HMGCLL1: variants seen among roughly 807,000 people sequenced by gnomAD.
HMGCLL1 encodes the protein 3-hydroxy-3-methylglutaryl-CoA lyase like 1, also known as 3-hydroxymethyl-3-methylglutaryl-CoA lyase, cytoplasmic.
HMGCLL1 carries 36 observed loss-of-function variants against 39.1 expected under a neutral mutation model. The ratio of observed to expected loss-of-function variants is 0.92; its 90% confidence interval spans 0.71 to 1.22. HMGCLL1 has a LOEUF of 1.22. Ranked by LOEUF, HMGCLL1 falls within the 50% of genes most tolerant of loss-of-function variation. The probability of loss-of-function intolerance (pLI) is 0.00; values close to 1 mark genes in which losing one functional copy is unlikely to be tolerated. For missense variants in HMGCLL1, 451 were observed against 416.5 expected (o/e 1.08, Z -0.72); for synonymous variants, 149 against 144.0 (o/e 1.03, Z -0.25).
rs146804038 is a variant in HMGCLL1 at position 55,517,325 on chromosome 6, A to G, written c.298-722T>C. Reference sequence around the variant, plus strand: ...GTCTAAGAATTAGCTTCTTAAAACAATAACTATTAATCAGATCCCATAATC... The same window carrying G: ...GTCTAAGAATTAGCTTCTTAAAACAGTAACTATTAATCAGATCCCATAATC... On this transcript the variant is annotated intron_variant, in intron 3 of 8. Coordinates refer to ENST00000274901, the MANE Select transcript of HMGCLL1 (RefSeq NM_001042406.2). 8.3e-4 allele frequency among the ~76,000 whole-genome samples: 127 copies of G among 152,248 alleles called. No individual in the cohort carries two copies. In the East Asian group the frequency reaches 0.016, roughly 20 times the overall value.
chr6:55,670,747 A>G, the HMGCLL1 span, among the ~76,000 whole-genome samples: 2 of 151,776 alleles, frequency 1.3e-5, no homozygotes, highest in African/African-American at 4.8e-5. Flanking sequence ...AAGGGGAAAC[A>G]TATAAAAAAA....
chr6:55,490,073 G>A (rs535125659), intron 7 of HMGCLL1, among the ~76,000 whole-genome samples: 1 of 152,152 alleles, frequency 6.6e-6, no homozygotes, highest in South Asian at 2.1e-4. Context: ...TCTCCGTCCT[G>A]TAATCTCTCA....
intron 5 of HMGCLL1, among the ~76,000 whole-genome samples, chr6:55,511,553 A>G (rs1767460661): frequency 6.6e-6 from 1 of 151,914 alleles, no homozygotes; most frequent in Non-Finnish European, 1.5e-5. Context: ...ATGGCCTTTA[A>G]AGCTGACAAC....
intron 7 of HMGCLL1, among the ~76,000 whole-genome samples, chr6:55,475,661 G>T (rs560263240): frequency 1.3e-5 from 2 of 151,696 alleles, no homozygotes; most frequent in African/African-American, 4.8e-5. Context: ...TTGTAATATA[G>T]CCTGTTTATC....
the HMGCLL1 span, among the ~76,000 whole-genome samples, chr6:55,652,324 C>T: frequency 6.6e-6 from 1 of 151,958 alleles, no homozygotes; most frequent in South Asian, 2.1e-4. Context: ...ACTATTAGTA[C>T]ATCAATATCA....
chr6:55,644,128 GT>G, the HMGCLL1 span, among the ~76,000 whole-genome samples: 2 of 152,026 alleles, frequency 1.3e-5, no homozygotes, highest in Admixed American at 6.6e-5. Flanking sequence ...ACTCATTGTA[GT>G]TTTGAATTGC....
chr6:55,611,639 G>A, the HMGCLL1 span, among the ~76,000 whole-genome samples: 1 of 152,136 alleles, frequency 6.6e-6, no homozygotes, highest in Non-Finnish European at 1.5e-5. Flanking sequence ...TTAACTCCTG[G>A]ATGCAAGGCA....
intron 3 of HMGCLL1, among the ~76,000 whole-genome samples, chr6:55,520,686 A>C (rs1767991928): frequency 6.6e-6 from 1 of 152,076 alleles, no homozygotes. Context: ...TGAAACTAAC[A>C]ATTCATTTAC....
chr6:55,472,794 C>G (rs2127404697), intron 7 of HMGCLL1, among the ~76,000 whole-genome samples: 1 of 151,486 alleles, frequency 6.6e-6, no homozygotes, highest in Non-Finnish European at 1.5e-5. Flanking sequence ...TTCAAATAAA[C>G]TATATTCTTG....
At chr6:55,603,711 G>A in the HMGCLL1 span, among the ~76,000 whole-genome samples, 1 of 152,180 alleles carries the variant, frequency 6.6e-6, no homozygotes, top group South Asian at 2.1e-4. Context: ...TCACCAGTCT[G>A]AAAATTATTA....
chr6:55,639,177 C>CATAT, the HMGCLL1 span, among the ~76,000 whole-genome samples: 4 of 151,912 alleles, frequency 2.6e-5, no homozygotes, highest in African/African-American at 9.7e-5. Context: ...ATGTGACTGA[C>CATAT]ATATAGTGCC....
intron 1 of HMGCLL1, among the ~76,000 whole-genome samples, chr6:55,564,284 C>T (rs535919462): frequency 1.4e-4 from 22 of 152,050 alleles, no homozygotes; most frequent in Admixed American, 3.3e-4. Flanking sequence ...CTTGTGAAAA[C>T]GATGGAAAAT....
the HMGCLL1 span, among the ~76,000 whole-genome samples, chr6:55,670,287 T>C: frequency 3.3e-5 from 5 of 151,776 alleles, no homozygotes; most frequent in Admixed American, 2.6e-4. Context: ...AATAAAGATA[T>C]TCTCAGATGA....
At chr6:55,466,588 C>A (rs2127400012) in intron 7 of HMGCLL1, among the ~76,000 whole-genome samples, 1 of 152,174 alleles carries the variant, frequency 6.6e-6, no homozygotes, top group South Asian at 2.1e-4. Context: ...AAGTATGCAA[C>A]TCAGCTGTTT....
chr6:55,495,582 C>A lies in HMGCLL1; in HGVS notation c.632G>T (p.Gly211Val). ...TEVSKRLYGM[G>V]CYEISLGDTI... ...GTCTCCTAGAGAGATCTCATAACAA[C>A]CCATGCCGTACAATCTCTTAGACAC... is the stretch of plus-strand genomic sequence containing the variant. Residue 211 changes from glycine to valine, a missense_variant, in exon 7 of 9, where the codon GGT becomes GTT. Gly to Val is a moderately radical substitution (Grantham distance 109). Transcript: ENST00000274901. 1 of 1,611,664 alleles carries A rather than the reference C, an allele frequency of 6.2e-7. No homozygotes were observed. Among genetic ancestry groups the A allele is most frequent in the South Asian group, 1.1e-5 (1 of 90,606 alleles).
intron 7 of HMGCLL1, among the ~76,000 whole-genome samples, chr6:55,494,919 G>A (rs1371353878): frequency 1.3e-5 from 2 of 152,106 alleles, no homozygotes; most frequent in African/African-American, 4.8e-5. Context: ...GTGATTAAAA[G>A]ACATAAGTTC....
At chr6:55,563,666 T>C (rs1443875511) in intron 1 of HMGCLL1, among the ~76,000 whole-genome samples, 1 of 152,158 alleles carries the variant, frequency 6.6e-6, no homozygotes, top group Non-Finnish European at 1.5e-5. Flanking sequence ...TTTTCACATG[T>C]GGTTTGAATA....
chr6:55,597,116 T>C, the HMGCLL1 span, among the ~76,000 whole-genome samples: 7 of 123,178 alleles, frequency 5.7e-5, no homozygotes, highest in Admixed American at 1.9e-4. Flanking sequence ...CAAGGTTGAG[T>C]TGCAGCATGT....
At chr6:55,627,846 TTGTGATC>T in the HMGCLL1 span, among the ~76,000 whole-genome samples, 1 of 113,566 alleles carries the variant, frequency 8.8e-6, no homozygotes, top group African/African-American at 3.4e-5. Context: ...TTGTGGGACC[TTGTGATC>T]ATGTAAGTTA....
Sources: gnomAD v4.1 joint callset for allele counts (sites outside exome capture counted in the v4.1 genomes callset) on GRCh38, gnomAD v4.1.1 for gene constraint, MANE v1.5 for transcripts, NCBI Gene and HGNC (gene_info 2026-07-23, HGNC 2026-07-21) for gene names.